Variants in WDPCP observed in about 807,000 individuals in gnomAD.
The protein encoded by WDPCP is WD repeat-containing and planar cell polarity effector protein fritz homolog.
WDPCP carries 71 observed loss-of-function variants against 93.1 expected under a neutral mutation model. That is an observed-to-expected ratio of 0.76 (90% CI 0.63 to 0.93). The LOEUF is 0.93. Ranked by LOEUF, WDPCP falls within the 40% of genes least tolerant of loss-of-function variation. The probability of loss-of-function intolerance (pLI) is 0.00; values close to 1 mark genes in which losing one functional copy is unlikely to be tolerated. For missense variants in WDPCP, 844 were observed against 887.4 expected, an observed-to-expected ratio of 0.95 and a Z score of 0.62; for synonymous variants, 315 against 315.0, an observed-to-expected ratio of 1.00 and a Z score of 0.00.
At position 63,427,806 on chromosome 2, in the gene WDPCP, T is replaced by C. The variant is rs150260726; in HGVS notation, c.825+5939A>G. Among the ~76,000 whole-genome samples the C allele has an allele frequency of 2.6e-5, 4 of 152,130 alleles. No individual in the cohort carries two copies. The East Asian group carries it at 5.8e-4, about 22-fold the overall frequency. ...GACCAAAAGTTGTTTTCTGAGAGAA[T>C]AAACAAGATTAATAGAGTGCTAGCT... is the stretch of plus-strand genomic sequence containing the variant. On this transcript the variant is annotated intron_variant, in intron 9 of 17. Transcript: ENST00000272321.
intron 2 of WDPCP, among the ~76,000 whole-genome samples, chr2:63,793,896 G>A (rs1235208962): frequency 6.6e-6 from 1 of 151,738 alleles, no homozygotes; most frequent in Admixed American, 6.6e-5. Context: ...GTGTGTGTGT[G>A]TGTGTGTGTG....
chr2:63,448,079 A>C (rs74844618), intron 6 of WDPCP, among the ~76,000 whole-genome samples: 3,102 of 152,202 alleles, frequency 0.02, 121 homozygotes, highest in African/African-American at 0.071. Flanking sequence ...ATGAGATCGC[A>C]CTTTTTAATC....
chr2:63,144,231 T>C (rs1485106901), intron 17 of WDPCP, among the ~76,000 whole-genome samples: 1 of 152,046 alleles, frequency 6.6e-6, no homozygotes, highest in Non-Finnish European at 1.5e-5. Context: ...TTCAATTCTA[T>C]TGGTGAGACT....
At chr2:63,744,881 C>T (rs1669772118) in intron 2 of WDPCP, among the ~76,000 whole-genome samples, 1 of 152,058 alleles carries the variant, frequency 6.6e-6, no homozygotes, top group Non-Finnish European at 1.5e-5. Flanking sequence ...GAAATTTCAT[C>T]ATTAAATATA....
chr2:63,531,110 C>T (rs1023016627), intron 1 of WDPCP, among the ~76,000 whole-genome samples: 3 of 152,180 alleles, frequency 2.0e-5, no homozygotes, highest in African/African-American at 4.8e-5. Flanking sequence ...AGTCCAAGAT[C>T]GAACTGTGAG....
At chr2:63,229,942 ATTTTTT>A (rs1678686821) in intron 14 of WDPCP, 3 of 152,090 alleles carry the variant, frequency 2.0e-5, no homozygotes, top group African/African-American at 2.4e-5. Flanking sequence ...TTTTATTTTT[ATTTTTT>A]ATTATACTTT....
chr2:63,133,637 C>T (rs1670435390), intron 17 of WDPCP, among the ~76,000 whole-genome samples: 1 of 152,200 alleles, frequency 6.6e-6, no homozygotes, highest in Admixed American at 6.5e-5. Context: ...TGCTGGCATT[C>T]ACTCTGTCCT....
At chr2:63,718,365 T>C (rs1051929729) in intron 2 of WDPCP, among the ~76,000 whole-genome samples, 4 of 152,226 alleles carry the variant, frequency 2.6e-5, no homozygotes, top group Non-Finnish European at 1.5e-5. Context: ...CTAATTTATG[T>C]TCTTACCAAC....
intron 2 of WDPCP, chr2:63,751,569 T>A (rs1180964683): frequency 4.9e-6 from 2 of 410,278 alleles, no homozygotes; most frequent in African/African-American, 2.1e-5. Context: ...GTCTTTTTTT[T>A]TATAGCAGCT....
At chr2:63,337,568 C>T (rs78230929) in intron 12 of WDPCP, among the ~76,000 whole-genome samples, 2,450 of 152,216 alleles carry the variant, frequency 0.016, 62 homozygotes, top group African/African-American at 0.055. Context: ...TTTAGTTTTT[C>T]GAGGAACCTC....
At chr2:63,248,708 T>G in intron 14 of WDPCP, among the ~76,000 whole-genome samples, 1 of 152,172 alleles carries the variant, frequency 6.6e-6, no homozygotes, top group East Asian at 1.9e-4. Context: ...TAGTTCACTT[T>G]TCATAATTCT....
At chr2:63,535,805 A>C (rs1704231983) in intron 1 of WDPCP, among the ~76,000 whole-genome samples, 2 of 152,236 alleles carry the variant, frequency 1.3e-5, no homozygotes, top group South Asian at 4.1e-4. Context: ...GGCATGGGCA[A>C]GGACTTCATA....
intron 1 of WDPCP, among the ~76,000 whole-genome samples, chr2:63,559,502 A>G (rs1375546284): frequency 5.3e-5 from 8 of 152,218 alleles, no homozygotes; most frequent in Non-Finnish European, 4.4e-5. Flanking sequence ...TGCAGATGAC[A>G]TGATCCTATA....
chr2:63,256,573 G>A (rs887664694), intron 14 of WDPCP, among the ~76,000 whole-genome samples: 1 of 141,590 alleles, frequency 7.1e-6, no homozygotes, highest in Admixed American at 6.8e-5. Flanking sequence ...CGTCACAGGA[G>A]TTCAACTTCT....
At position 63,433,906 on chromosome 2, in the gene WDPCP, T is replaced by C; in HGVS notation, c.664A>G (p.Asn222Asp). 1.2e-6 allele frequency: 2 copies of C among 1,613,926 alleles called. No homozygotes were observed. The highest frequency in any genetic ancestry group is 1.7e-6 in the Non-Finnish European group (2 of 1,179,890). Residue 222 changes from asparagine (N) to aspartate (D), a missense_variant, in exon 9 of 18, where the codon AAC becomes GAC. Coordinates refer to ENST00000272321, the MANE Select transcript of WDPCP (RefSeq NM_015910.7). ...GCTAGATGTCGCTCTGTTGTCTTGT[T>C]TATTGGGCCGGGTATTTCATAATAG... ...IFYYEIPGPI[N>D]KTTERHLAIN...
intron 14 of WDPCP, among the ~76,000 whole-genome samples, chr2:63,232,239 C>T (rs982385812): frequency 2.6e-5 from 4 of 152,186 alleles, no homozygotes; most frequent in Non-Finnish European, 4.4e-5. Context: ...TAGAAGCAAA[C>T]GTAGGAAATA....
At chr2:63,195,608 A>G (rs1675369164) in intron 14 of WDPCP, among the ~76,000 whole-genome samples, 1 of 152,120 alleles carries the variant, frequency 6.6e-6, no homozygotes, top group African/African-American at 2.4e-5. Context: ...GTGAGCCACC[A>G]TGCCAGGACA....
intron 1 of WDPCP, chr2:63,571,687 A>C (rs1707516453): frequency 2.2e-6 from 1 of 461,068 alleles, no homozygotes; most frequent in African/African-American, 2.0e-5. Context: ...CTCGTATTTT[A>C]AGATGCCAGA....
intron 6 of WDPCP, chr2:63,441,798 T>C (rs1023449856): frequency 6.6e-6 from 1 of 152,140 alleles, no homozygotes; most frequent in African/African-American, 2.4e-5. Flanking sequence ...TTGTAATCAA[T>C]TTAAAGATCC....
Sources: gnomAD v4.1 joint callset for allele counts (sites outside exome capture counted in the v4.1 genomes callset) on GRCh38, gnomAD v4.1.1 for gene constraint, MANE v1.5 for transcripts, NCBI Gene and HGNC (gene_info 2026-07-23, HGNC 2026-07-21) for gene names.